Variants in PPP1R37 observed in about 807,000 individuals in gnomAD.
PPP1R37 encodes leucine rich repeat containing 68.
Under a neutral mutation model 61.0 loss-of-function variants are expected in PPP1R37, and 21 were observed. The ratio of observed to expected loss-of-function variants is 0.34; its 90% confidence interval spans 0.24 to 0.50. The LOEUF is 0.50. Among genes scored for constraint, PPP1R37 ranks in the 20% least tolerant of loss-of-function variants. The probability of loss-of-function intolerance (pLI) is 0.98; values close to 1 mark genes in which losing one functional copy is unlikely to be tolerated. For synonymous variants in PPP1R37, 443 were observed against 433.5 expected (o/e 1.02, Z -0.27); for missense variants, 910 against 952.7 (o/e 0.96, Z 0.59).
chr19:45,142,186 G>T lies in PPP1R37; in HGVS notation c.693G>T (p.Leu231=). 6.5e-7 allele frequency: 1 copy of T among 1,535,076 alleles called. No individual in the cohort carries two copies. The highest frequency in any genetic ancestry group is 8.7e-7 in the Non-Finnish European group (1 of 1,146,362). The stretch of plus-strand genomic sequence containing the variant: ...TGCTGCACTTGGAGAACGCCAGCCT[G>T]TCGGGGCGGCCCCTCATGCTGCTCG... ...LAVLHLENAS[L]SGRPLMLLAT... The change falls in exon 6 of 13, where the codon CTG becomes CTT. Residue 231 remains leucine, a synonymous_variant. Coordinates refer to ENST00000221462, the MANE Select transcript of PPP1R37 (RefSeq NM_019121.2).
chr19:45,133,379 C>T lies in PPP1R37; in HGVS notation c.203-5135C>T, dbSNP rs575399344. Among the ~76,000 whole-genome samples, 370 of 152,278 alleles carry T rather than the reference C, an allele frequency of 2.4e-3. 1 individual carries two copies. The highest frequency in any genetic ancestry group is 7.1e-3 in the African/African-American group (297 of 41,552). ...GATTACAGGCGTGAGCCACCGCGCC[C>T]GGCCCAGAATTCACGTTCTTAACCA... On this transcript the variant is annotated intron_variant, in intron 1 of 12. Coordinates refer to ENST00000221462, the MANE Select transcript of PPP1R37 (RefSeq NM_019121.2).
Position 45,143,532 on chromosome 19 carries a change from A to C in PPP1R37, c.886A>C (p.Ile296Leu). ...CCGGCCTCCTCCAGGTCTGGCCTAC[A>C]TCTGCGAGGGCCTCAAGGAGCAGAG... ...NHVLDSGLAY[I>L]CEGLKEQRKG... The change falls in exon 8 of 13, where the codon ATC (isoleucine) becomes CTC (leucine). Residue 296 changes from isoleucine (I) to leucine (L), a missense_variant. Around this residue, in one of 3 missense-constraint regions of PPP1R37, gnomAD observed 280 missense variants for 382.2 expected, o/e 0.73. Transcript: ENST00000221462. 1 of 1,534,772 alleles carries C rather than the reference A, an allele frequency of 6.5e-7. No individual in the cohort carries two copies. The highest frequency in any genetic ancestry group is 8.7e-7 in the Non-Finnish European group (1 of 1,145,832).
chr19:45,097,664 A>G (rs1968010090), intron 1 of PPP1R37, among the ~76,000 whole-genome samples: 1 of 151,558 alleles, frequency 6.6e-6, no homozygotes, highest in South Asian at 2.1e-4. Flanking sequence ...CATCTCCCAC[A>G]GTGGGGTTCC....
In PPP1R37 at chr19:45,103,571, C is replaced by T. The variant is rs373739715; in HGVS notation, c.202+10044C>T. ...CTGCTCGCGTCCTGTGCAGTCTTCC[C>T]TTTTGCAAAGCAAAGCACTGTCACA... On this transcript the variant is annotated intron_variant, in intron 1 of 12. Coordinates refer to ENST00000221462, the MANE Select transcript of PPP1R37 (RefSeq NM_019121.2). Among the ~76,000 whole-genome samples, 947 of 143,672 alleles carry T rather than the reference C, an allele frequency of 6.6e-3. 10 individuals carry two copies. The highest frequency in any genetic ancestry group is 0.023 in the African/African-American group (907 of 40,164). 94.3% of individuals were successfully genotyped at this position (143,672 alleles called of 152,430 possible).
chr19:45,120,014 C>CTTTTTTTTTTTTT (rs11312138), intron 1 of PPP1R37, among the ~76,000 whole-genome samples: 27 of 83,570 alleles, frequency 3.2e-4, no homozygotes, highest in African/African-American at 6.8e-4. Flanking sequence ...TTTTCCCCTT[C>CTTTTTTTTTTTTT]TTTTTTTTTT....
intron 1 of PPP1R37, among the ~76,000 whole-genome samples, chr19:45,114,774 C>A (rs567152208): frequency 6.6e-6 from 1 of 151,778 alleles, no homozygotes; most frequent in African/African-American, 2.4e-5. Flanking sequence ...AGTGAGACCC[C>A]CCCCCCCATC....
chr19:45,095,008 G>A (rs1180691611), intron 1 of PPP1R37, among the ~76,000 whole-genome samples: 1 of 152,170 alleles, frequency 6.6e-6, no homozygotes, highest in Non-Finnish European at 1.5e-5. Context: ...CATGAAGTGA[G>A]GGATCAGACT....
At chr19:45,133,004 C>A (rs951301988) in intron 1 of PPP1R37, among the ~76,000 whole-genome samples, 30 of 152,350 alleles carry the variant, frequency 2.0e-4, no homozygotes, top group African/African-American at 7.2e-4. Context: ...AGGCACGGGT[C>A]ACATTGCTTT....
chr19:45,118,794 C>G (rs944356569), intron 1 of PPP1R37, among the ~76,000 whole-genome samples: 7 of 152,126 alleles, frequency 4.6e-5, no homozygotes, highest in African/African-American at 1.7e-4. Context: ...CACTGAGCAC[C>G]TGCTGGCCGG....
intron 1 of PPP1R37, chr19:45,108,675 C>A (rs1968163400): frequency 7.0e-6 from 1 of 142,376 alleles, no homozygotes; most frequent in African/African-American, 2.6e-5. Context: ...GAGTTTCACT[C>A]TTGTTGCCCA....
chr19:45,117,911 C>T (rs1038925061), intron 1 of PPP1R37, among the ~76,000 whole-genome samples: 5 of 152,350 alleles, frequency 3.3e-5, no homozygotes, highest in African/African-American at 1.2e-4. Context: ...GGGAAGGTGT[C>T]CTCCTCAGCC....
At position 45,146,008 on chromosome 19, in the gene PPP1R37, C is replaced by G; in HGVS notation, c.1952C>G (p.Pro651Arg). ...FALALPPEPP[P>R]GPEVKGGSCG... ...CTGGCACTGCCCCCTGAGCCGCCCC[C>G]GGGGCCTGAGGTCAAGGGGGGCAGC... The change falls in exon 11 of 13, where the codon CCG becomes CGG. Residue 651 changes from proline (P) to arginine (R), a missense_variant. By Grantham distance (103) the Pro-to-Arg change is moderately radical. Transcript: ENST00000221462. The G allele has an allele frequency of 6.5e-7, 1 of 1,532,960 alleles. No individual in the cohort carries two copies. Among genetic ancestry groups the G allele is most frequent in the South Asian group, 1.2e-5 (1 of 83,786 alleles). The allele number at this position is 1,532,960 out of a possible 1,614,324, so 95.0% of individuals were successfully genotyped here. A position where few individuals can be genotyped will look rare whatever the true frequency, so the allele number is the denominator to read the frequency against.
At chr19:45,122,843 T>G (rs761612187) in intron 1 of PPP1R37, among the ~76,000 whole-genome samples, 1 of 152,112 alleles carries the variant, frequency 6.6e-6, no homozygotes, top group African/African-American at 2.4e-5. Flanking sequence ...CCCATGTGCA[T>G]GCTTTGCCTC....
intron 1 of PPP1R37, among the ~76,000 whole-genome samples, chr19:45,098,631 A>AGCG (rs1338119392): frequency 6.6e-6 from 1 of 152,096 alleles, no homozygotes; most frequent in African/African-American, 2.4e-5. Context: ...TTTGGAAGGC[A>AGCG]GCGGGAGGGG....
At chr19:45,141,474 C>T (rs1161610034) in intron 5 of PPP1R37, 33 bp downstream of exon 5, 1 of 754,128 alleles carries the variant, frequency 1.3e-6, no homozygotes, top group Non-Finnish European at 1.9e-6. Flanking sequence ...GAAGAGGCAG[C>T]TCAGGCTCCC....
intron 1 of PPP1R37, among the ~76,000 whole-genome samples, chr19:45,123,294 C>T (rs1033093448): frequency 2.6e-5 from 4 of 152,180 alleles, no homozygotes; most frequent in African/African-American, 9.7e-5. Flanking sequence ...CTCTCCCGCC[C>T]AGCACTGGCA....
At chr19:45,098,893 G>A (rs1968027223) in intron 1 of PPP1R37, among the ~76,000 whole-genome samples, 1 of 152,086 alleles carries the variant, frequency 6.6e-6, no homozygotes, top group Non-Finnish European at 1.5e-5. Flanking sequence ...TCTGGGCCCA[G>A]CTCCACCTCC....
At chr19:45,116,293 C>G (rs1327636726) in intron 1 of PPP1R37, among the ~76,000 whole-genome samples, 1 of 152,228 alleles carries the variant, frequency 6.6e-6, no homozygotes, top group African/African-American at 2.4e-5. Flanking sequence ...GTGGCACCTG[C>G]CATCTGCGCC....
chr19:45,102,318 G>A (rs1386467635), intron 1 of PPP1R37, among the ~76,000 whole-genome samples: 4 of 152,232 alleles, frequency 2.6e-5, no homozygotes, highest in Non-Finnish European at 4.4e-5. Flanking sequence ...AGCGGGCCTC[G>A]TTCCATGTTT....
Sources: allele counts gnomAD v4.1 joint callset (sites outside exome capture counted in the v4.1 genomes callset), GRCh38; gene constraint gnomAD v4.1.1; regional missense constraint gnomAD v4.1.1; transcripts MANE v1.5; gene names NCBI Gene and HGNC (gene_info 2026-07-23, HGNC 2026-07-21).